The following ATAD3A variants were observed in gnomAD, a reference collection of about 807,000 sequenced individuals.
ATAD3A encodes the protein ATPase family AAA domain-containing protein 3A.
In ATAD3A, 46 loss-of-function variants were observed where a neutral mutation model predicts 73.8. The observed-to-expected ratio is 0.62, with a 90% CI of 0.49 to 0.80. The LOEUF (loss-of-function observed/expected upper bound fraction) is 0.80. Ranked by LOEUF, ATAD3A falls within the 30% of genes least tolerant of loss-of-function variation. The probability of loss-of-function intolerance (pLI) is 0.00; values close to 1 mark genes in which losing one functional copy is unlikely to be tolerated. For synonymous variants in ATAD3A, 319 were observed against 350.0 expected (o/e 0.91, Z 0.99); for missense variants, 705 against 838.0 (o/e 0.84, Z 1.96).
chr1:1,521,298 CAAAAA>C (rs1001385922), intron 7 of ATAD3A, among the ~76,000 whole-genome samples: 409 of 25,278 alleles, frequency 0.016, no homozygotes, highest in African/African-American at 0.036. Flanking sequence ...GGCTTCTTCT[CAAAAA>C]AAAAAAAAAA....
chr1:1,512,427 C>T lies in ATAD3A; in HGVS notation c.159C>T (p.Thr53=). The T allele has an allele frequency of 2.5e-6, 3 of 1,217,818 alleles. No homozygotes were observed. The highest frequency in any genetic ancestry group is 3.1e-6 in the Non-Finnish European group (3 of 973,722). 75.4% of individuals were successfully genotyped at this position (1,217,818 alleles called of 1,614,324 possible). The part of the protein sequence containing the change: ...PKDKWSNFDP[T]GLERAAKAAR... The stretch of plus-strand genomic sequence containing the variant: ...ACAAATGGAGCAACTTCGACCCCAC[C>T]GGCCTGGAGCGCGCCGCCAAGGCGG... Residue 53 remains threonine (T), a synonymous_variant, in exon 1 of 16, where the codon ACC becomes ACT. Transcript: ENST00000378756.
chr1:1,533,132 C>T (rs1642091423), intron 15 of ATAD3A, among the ~76,000 whole-genome samples: 1 of 152,190 alleles, frequency 6.6e-6, no homozygotes, highest in Admixed American at 6.5e-5. Flanking sequence ...AATCCTGCCT[C>T]TGGGAGGTAC....
intron 13 of ATAD3A, chr1:1,527,035 C>T (rs1458951352): frequency 1.8e-6 from 1 of 541,204 alleles, no homozygotes; most frequent in Non-Finnish European, 2.9e-6. Flanking sequence ...GCCCACCCGA[C>T]TTTGTGTGGC....
At position 1,520,849 on chromosome 1, in the gene ATAD3A, A is replaced by G. The variant is rs1221018578; in HGVS notation, c.750+232A>G. 2.6e-5 allele frequency among the ~76,000 whole-genome samples: 4 copies of G among 152,078 alleles called. No homozygotes were observed. The highest frequency in any genetic ancestry group is 2.6e-4 in the Admixed American group (4 of 15,264). On this transcript the variant is annotated intron_variant, in intron 7 of 15. Transcript: ENST00000378756. This position sits in a 1 kb window ranked among gnomAD's most constrained non-coding sequence, Gnocchi z 4.0. ...CAGTGAGACCCCATCTCTACAAAAA[A>G]TCAAATATTAGCTGGGTGTGGTGGC...
At chr1:1,533,337 C>T (rs1642099326) in intron 15 of ATAD3A, among the ~76,000 whole-genome samples, 2 of 152,198 alleles carry the variant, frequency 1.3e-5, no homozygotes, top group African/African-American at 2.4e-5. Context: ...GAGAGTGACC[C>T]GTTCATTGCA....
Position 1,530,273 on chromosome 1 carries a change from G to A in ATAD3A, c.1614+942G>A, listed in dbSNP as rs139538453. The stretch of plus-strand genomic sequence containing the variant: ...GCAGAGGCCGGGTATGGTGGTGGCT[G>A]ACGCTTGTATTCCCAGCATTTGGGG... On this transcript the variant is annotated intron_variant, in intron 15 of 15. Coordinates refer to ENST00000378756, the MANE Select transcript of ATAD3A (RefSeq NM_001170535.3). Among the ~76,000 whole-genome samples the A allele has an allele frequency of 8.9e-3, 1,360 of 152,288 alleles. 13 individuals are homozygous for A. The highest frequency in any genetic ancestry group is 0.03 in the Admixed American group (463 of 15,298).
At chr1:1,522,323 GAGCTACTGTGCCCA>G (rs1220474471) in intron 7 of ATAD3A, among the ~76,000 whole-genome samples, 1 of 152,172 alleles carries the variant, frequency 6.6e-6, no homozygotes, top group Non-Finnish European at 1.5e-5. Context: ...TTACAGACCT[GAGCTACTGTGCCCA>G]GCCAGCCTAA....
Position 1,534,554 on chromosome 1 carries a change from A to C in ATAD3A, c.*482A>C. On this transcript the variant is annotated 3_prime_UTR_variant, in exon 16 of 16. Transcript: ENST00000378756. ...GCCGGCATGCCCCGATCTTTCACACACTGGTGACCCTGAGAGAGGAGGGAG... is the reference window on the plus strand; with the variant it reads ...GCCGGCATGCCCCGATCTTTCACACCCTGGTGACCCTGAGAGAGGAGGGAG... The C allele has an allele frequency of 2.9e-6, 1 of 341,942 alleles. No homozygotes were observed. The highest frequency in any genetic ancestry group is 4.7e-6 in the Non-Finnish European group (1 of 212,826). The allele number at this position is 341,942 out of a possible 1,614,324, so 21.2% of individuals were successfully genotyped here.
At chr1:1,529,372 G>C in intron 15 of ATAD3A, 41 bp downstream of exon 15, 1 of 1,524,706 alleles carries the variant, frequency 6.6e-7, no homozygotes, top group Non-Finnish European at 8.8e-7. Flanking sequence ...CGGGACCCCA[G>C]CTGCTGTGGA....
Position 1,512,422 on chromosome 1 carries a change from C to A in ATAD3A, c.154C>A (p.Pro52Thr). 7 of 1,230,900 alleles carry A rather than the reference C, an allele frequency of 5.7e-6. No individual in the cohort carries two copies. The highest frequency in any genetic ancestry group is 7.1e-6 in the Non-Finnish European group (7 of 981,922). The allele number at this position is 1,230,900 out of a possible 1,614,324, so 76.2% of individuals were successfully genotyped here. ...APKDKWSNFD[P>T]TGLERAAKAA... ...CAAGGACAAATGGAGCAACTTCGAC[C>A]CCACCGGCCTGGAGCGCGCCGCCAA... The change falls in exon 1 of 16, where the codon CCC becomes ACC. Residue 52 changes from proline (P) to threonine (T), a missense_variant. Physicochemically the swap from Pro to Thr is conservative, Grantham distance 38. Coordinates refer to ENST00000378756, the MANE Select transcript of ATAD3A (RefSeq NM_001170535.3).
chr1:1,523,436 G>C lies in ATAD3A; in HGVS notation c.907-75G>C. 6.4e-7 allele frequency: 1 copy of C among 1,567,328 alleles called. No individual in the cohort carries two copies. The highest frequency in any genetic ancestry group is 1.8e-5 in the Admixed American group (1 of 54,530). ...GCTCCGTTTCTGCGTGTTACCGAGC[G>C]TGTGTGTGCGCGTTGGTGGCTGTTC... On this transcript the variant is annotated intron_variant, in intron 8 of 15. Transcript: ENST00000378756. This position sits in a 1 kb window ranked among gnomAD's most constrained non-coding sequence, Gnocchi z 5.1.
chr1:1,529,821 C>T (rs1641976663), intron 15 of ATAD3A, among the ~76,000 whole-genome samples: 1 of 152,238 alleles, frequency 6.6e-6, no homozygotes, highest in Non-Finnish European at 1.5e-5. Flanking sequence ...GGGGACACCC[C>T]TCCTGCAGCT....
Position 1,517,357 on chromosome 1 carries a change from C to T in ATAD3A, c.329C>T (p.Ala110Val), listed in dbSNP as rs759611921. Residue 110 changes from alanine (A) to valine (V), a missense_variant, in exon 3 of 16, where the codon GCG (alanine) becomes GTG (valine). Around this residue, in one of 5 missense-constraint regions of ATAD3A, gnomAD observed 125 missense variants for 170.6 expected, o/e 0.73. Transcript: ENST00000378756. ...VEQLKSEQIRAQAEERRKTLS... is the reference protein window; with the variant it reads ...VEQLKSEQIRVQAEERRKTLS... ...CAGCTCAAGAGCGAGCAGATCCGGG[C>T]GCAGGCTGAGGAGAGGAGGAAGACC... is the stretch of plus-strand genomic sequence containing the variant. 39 of 1,538,900 alleles carry T rather than the reference C, an allele frequency of 2.5e-5. No homozygotes were observed. The highest frequency in any genetic ancestry group is 1.7e-4 in the South Asian group (14 of 82,682).
rs1641695378 is a variant in ATAD3A at position 1,523,781 on chromosome 1, C to T, written c.964-58C>T. 4 of 1,611,612 alleles carry T rather than the reference C, an allele frequency of 2.5e-6. No homozygotes were observed. The South Asian group carries it at 4.4e-5, about 18-fold the overall frequency. ...CACCCAGGCATTCCCGCAGCCCCTTCCCCTGAGGCTTCCATGGGTGCACAG... is the reference window on the plus strand; with the variant it reads ...CACCCAGGCATTCCCGCAGCCCCTTTCCCTGAGGCTTCCATGGGTGCACAG... On this transcript the variant is annotated intron_variant, in intron 9 of 15. Coordinates refer to ENST00000378756, the MANE Select transcript of ATAD3A (RefSeq NM_001170535.3). The surrounding 1 kb of genome is among the most constrained non-coding windows in gnomAD (Gnocchi z 5.1).
chr1:1,529,373 C>T (rs759712194), intron 15 of ATAD3A, 42 bp downstream of exon 15: 69 of 1,523,884 alleles, frequency 4.5e-5, no homozygotes, highest in Non-Finnish European at 5.7e-5. Context: ...GGGACCCCAG[C>T]TGCTGTGGAG....
chr1:1,518,351 GCA>G (rs769235698), intron 4 of ATAD3A, among the ~76,000 whole-genome samples: 6 of 125,948 alleles, frequency 4.8e-5, no homozygotes, highest in East Asian at 2.3e-4. Flanking sequence ...GCGCACTCGG[GCA>G]CACACACAGC....
intron 15 of ATAD3A, 71 bp downstream of exon 15, chr1:1,529,402 C>G (rs1299977316): frequency 2.7e-6 from 4 of 1,507,462 alleles, no homozygotes; most frequent in Non-Finnish European, 3.6e-6. Flanking sequence ...TTGCGCCAGG[C>G]CTGTCCCAGC....
chr1:1,533,037 A>C (rs1170399312), intron 15 of ATAD3A, among the ~76,000 whole-genome samples: 1 of 152,210 alleles, frequency 6.6e-6, no homozygotes, highest in Admixed American at 6.5e-5. Context: ...GACGGGCACC[A>C]CGTGGTCATC....
At chr1:1,532,628 G>A (rs1433607934) in intron 15 of ATAD3A, among the ~76,000 whole-genome samples, 1 of 152,196 alleles carries the variant, frequency 6.6e-6, no homozygotes, top group Non-Finnish European at 1.5e-5. Context: ...CGTGCTTCCT[G>A]GAGGGGTGGC....
Sources: gnomAD v4.1 joint callset for allele counts (sites outside exome capture counted in the v4.1 genomes callset) on GRCh38, gnomAD v4.1.1 for gene constraint, gnomAD v4.1.1 regional missense constraint, Gnocchi (gnomAD v3.1) non-coding constraint, MANE v1.5 for transcripts, NCBI Gene and HGNC (gene_info 2026-07-23, HGNC 2026-07-21) for gene names.